The following NRG3 variants were observed in gnomAD, a reference collection of about 807,000 sequenced individuals.
NRG3 encodes the protein neuregulin 3, also known as pro-neuregulin-3, membrane-bound isoform.
A neutral mutation model predicts 66.9 loss-of-function variants in NRG3; 31 were observed. The ratio of observed to expected loss-of-function variants is 0.46; its 90% CI spans 0.35 to 0.63. The LOEUF (loss-of-function observed/expected upper bound fraction) is 0.63, where lower values mean the gene tolerates loss of function less well. NRG3 is among the 20% of genes least tolerant of loss of function. The probability of loss-of-function intolerance (pLI) is 0.00; values close to 1 mark genes in which losing one functional copy is unlikely to be tolerated. For synonymous variants in NRG3, 393 were observed against 359.4 expected, an observed-to-expected ratio of 1.09 and a Z score of -1.06; for missense variants, 910 against 878.9, an observed-to-expected ratio of 1.04 and a Z score of -0.45.
intron 1 of NRG3, among the ~76,000 whole-genome samples, chr10:82,127,505 A>G (rs1187471189): frequency 6.6e-6 from 1 of 152,000 alleles, no homozygotes; most frequent in Admixed American, 6.6e-5. Flanking sequence ...TCTCTTATCC[A>G]TACCCTCCTG....
intron 2 of NRG3, among the ~76,000 whole-genome samples, chr10:82,523,362 T>G (rs1248058933): frequency 1.3e-5 from 2 of 152,192 alleles, no homozygotes; most frequent in Non-Finnish European, 2.9e-5. Context: ...GCTGCACCAT[T>G]TACTTTCCCA....
At chr10:82,939,151 TATAAC>T (rs1333551625) in intron 4 of NRG3, among the ~76,000 whole-genome samples, 1 of 152,188 alleles carries the variant, frequency 6.6e-6, no homozygotes, top group Admixed American at 6.5e-5. Flanking sequence ...AAATATGTCT[TATAAC>T]ATTCACTTAT....
At chr10:82,276,640 A>G (rs771131170) in intron 1 of NRG3, among the ~76,000 whole-genome samples, 4 of 152,070 alleles carry the variant, frequency 2.6e-5, no homozygotes, top group African/African-American at 4.8e-5. Flanking sequence ...AATAAGCACC[A>G]TAGTTTTATT....
At chr10:82,201,102 C>T (rs1012901791) in intron 1 of NRG3, among the ~76,000 whole-genome samples, 4 of 148,682 alleles carry the variant, frequency 2.7e-5, no homozygotes, top group Non-Finnish European at 5.9e-5. Flanking sequence ...GAGGCTGAGG[C>T]AGGAGAAATC....
chr10:82,684,244 A>G (rs1365711748), intron 2 of NRG3, among the ~76,000 whole-genome samples: 1 of 152,250 alleles, frequency 6.6e-6, no homozygotes, highest in African/African-American at 2.4e-5. Flanking sequence ...CTAAGCAAAT[A>G]AATTAGAAGT....
intron 1 of NRG3, among the ~76,000 whole-genome samples, chr10:82,208,809 G>T (rs1477550496): frequency 6.6e-6 from 1 of 152,022 alleles, no homozygotes; most frequent in Non-Finnish European, 1.5e-5. Context: ...CTGCTACCAT[G>T]GCTCATTAGC....
At chr10:82,360,266 A>G (rs1053781064) in intron 2 of NRG3, among the ~76,000 whole-genome samples, 5 of 152,242 alleles carry the variant, frequency 3.3e-5, no homozygotes, top group African/African-American at 1.2e-4. Flanking sequence ...CACAAGTGAC[A>G]TTAAGACCTT....
chr10:82,128,753 T>G (rs571236952), intron 1 of NRG3, among the ~76,000 whole-genome samples: 34 of 25,128 alleles, frequency 1.4e-3, no homozygotes, highest in African/African-American at 3.2e-3. Flanking sequence ...ATTTCTGGGG[T>G]TTTTTTTGTT....
At chr10:82,240,020 G>T (rs554831015) in intron 1 of NRG3, among the ~76,000 whole-genome samples, 1 of 151,948 alleles carries the variant, frequency 6.6e-6, no homozygotes, top group Non-Finnish European at 1.5e-5. Flanking sequence ...CATATTTTAT[G>T]CCTGTTTTGA....
intron 1 of NRG3, among the ~76,000 whole-genome samples, chr10:82,198,046 G>A (rs989824794): frequency 3.3e-5 from 5 of 152,028 alleles, no homozygotes; most frequent in African/African-American, 9.7e-5. Context: ...TGAACATTTT[G>A]TACACAATAG....
chr10:82,956,078 A>G (rs1850018985), intron 5 of NRG3, among the ~76,000 whole-genome samples: 1 of 151,904 alleles, frequency 6.6e-6, no homozygotes, highest in Non-Finnish European at 1.5e-5. Flanking sequence ...TCTCCTTAAC[A>G]AAAGTCCTCT....
chr10:82,719,705 G>A (rs903229834), intron 2 of NRG3, among the ~76,000 whole-genome samples: 7 of 152,126 alleles, frequency 4.6e-5, no homozygotes, highest in Admixed American at 3.9e-4. Context: ...TCTCCCTTCA[G>A]CCTAGGGATG....
intron 1 of NRG3, among the ~76,000 whole-genome samples, chr10:81,968,927 G>A (rs1467057089): frequency 2.0e-5 from 3 of 152,198 alleles, no homozygotes; most frequent in African/African-American, 7.2e-5. Flanking sequence ...GAAGTGAGGC[G>A]AGGTTGTTAG....
chr10:82,564,050 G>T (rs1223487503), intron 2 of NRG3, among the ~76,000 whole-genome samples: 6 of 151,292 alleles, frequency 4.0e-5, no homozygotes, highest in Non-Finnish European at 8.8e-5. Flanking sequence ...TACATAAGGG[G>T]TCATTTTTTG....
chr10:82,968,887 C>T (rs1330359136), intron 6 of NRG3, among the ~76,000 whole-genome samples: 1 of 152,184 alleles, frequency 6.6e-6, no homozygotes, highest in Admixed American at 6.5e-5. Flanking sequence ...GGTGAGGCCT[C>T]ATAATCATGG....
At chr10:82,087,623 T>C (rs1261428233) in intron 1 of NRG3, among the ~76,000 whole-genome samples, 1 of 152,182 alleles carries the variant, frequency 6.6e-6, no homozygotes, top group Non-Finnish European at 1.5e-5. Context: ...CACTGCCCAT[T>C]GTCTGTAGTA....
intron 3 of NRG3, among the ~76,000 whole-genome samples, chr10:82,776,675 C>T (rs1345750045): frequency 6.6e-6 from 1 of 151,742 alleles, no homozygotes; most frequent in Non-Finnish European, 1.5e-5. Context: ...CAAGTTCAGA[C>T]AGACTTTTTG....
intron 3 of NRG3, among the ~76,000 whole-genome samples, chr10:82,747,717 A>G (rs1375578766): frequency 6.6e-6 from 1 of 151,936 alleles, no homozygotes; most frequent in Non-Finnish European, 1.5e-5. Context: ...TATTTTGAGG[A>G]TAACAAACTA....
At chr10:82,311,890 C>T (rs1425965984) in intron 1 of NRG3, among the ~76,000 whole-genome samples, 1 of 152,182 alleles carries the variant, frequency 6.6e-6, no homozygotes. Context: ...AAGATGAACT[C>T]AGTCTTATAG....
Sources: allele counts gnomAD v4.1 joint callset (sites outside exome capture counted in the v4.1 genomes callset), GRCh38; gene constraint gnomAD v4.1.1; transcripts MANE v1.5; gene names NCBI Gene and HGNC (gene_info 2026-07-23, HGNC 2026-07-21).